VPS13B: variants seen among roughly 807,000 people sequenced by gnomAD.
VPS13B encodes the protein intermembrane lipid transfer protein VPS13B.
Under a neutral mutation model 426.4 loss-of-function variants are expected in VPS13B, and 285 were observed. That is an observed-to-expected ratio of 0.67 (90% CI 0.61 to 0.74). The LOEUF is 0.74. VPS13B is among the 30% of genes least tolerant of loss of function. The pLI is 0.00. For missense variants in VPS13B, 4,537 were observed against 4,782.6 expected, an observed-to-expected ratio of 0.95 and a Z score of 1.51; for synonymous variants, 1,676 against 1,676.4, an observed-to-expected ratio of 1.00 and a Z score of 0.01.
chr8:99,054,843 C>T (rs981644993), intron 3 of VPS13B, among the ~76,000 whole-genome samples: 1 of 152,010 alleles, frequency 6.6e-6, no homozygotes, highest in Non-Finnish European at 1.5e-5. Flanking sequence ...TTTCTTTGCC[C>T]ACTGAATGGT....
chr8:99,496,970 C>T lies in VPS13B; in HGVS notation c.3871-4717C>T, dbSNP rs537287264. ...TGTGTATATAAAATGTTTTTGGTAA[C>T]GTCTTCCTTAATCACAGCAGTAGTA... On this transcript the variant is annotated intron_variant, in intron 25 of 61. Coordinates refer to ENST00000357162, the MANE Select transcript of VPS13B (RefSeq NM_152564.5). Among the ~76,000 whole-genome samples, 29 of 150,252 alleles carry T rather than the reference C, an allele frequency of 1.9e-4. No homozygotes were observed. The East Asian group carries it at 2.7e-3, about 14-fold the overall frequency.
rs927806245 is a variant in VPS13B, at chr8:99,435,285, T to C, written c.3210+3621T>C. 4.6e-5 allele frequency among the ~76,000 whole-genome samples: 7 copies of C among 152,190 alleles called. No homozygotes were observed. In the South Asian group the frequency reaches 8.3e-4, roughly 18 times the overall value. ...TATAGATCTAAATGCTATTTCATGA[T>C]AATAGAAGTAGTTATATTAAAAATA... On this transcript the variant is annotated intron_variant, in intron 22 of 61. Transcript: ENST00000357162.
At chr8:99,860,839 G>A (rs1816797695) in intron 57 of VPS13B, among the ~76,000 whole-genome samples, 1 of 152,218 alleles carries the variant, frequency 6.6e-6, no homozygotes, top group African/African-American at 2.4e-5. Flanking sequence ...AAACCAGACA[G>A]ATTCACGGCT....
In VPS13B at chr8:99,832,585, C is replaced by G; in HGVS notation, c.9547C>G (p.Pro3183Ala). Reference protein sequence around the residue: ...QCWSLPAIVRPEFPRQSVAVP... With the variant: ...QCWSLPAIVRAEFPRQSVAVP... ...CTGGAGCCTGCCAGCTATAGTTAGA[C>G]CAGAGTTTCCCAGACAGAGTGTGGC... is the stretch of plus-strand genomic sequence containing the variant. Residue 3183 changes from proline to alanine, a missense_variant, in exon 52 of 62, where the codon CCA (proline) becomes GCA (alanine). By Grantham distance (27) the Pro-to-Ala change is conservative (BLOSUM62 -1). Around this residue, in one of 2 missense-constraint regions of VPS13B, gnomAD observed 4,311 missense variants for 4,474.3 expected, o/e 0.96. Transcript: ENST00000357162. 6.2e-7 allele frequency: 1 copy of G among 1,613,802 alleles called. No individual in the cohort carries two copies.
chr8:99,338,233 A>G (rs535789274), intron 19 of VPS13B, among the ~76,000 whole-genome samples: 1 of 152,208 alleles, frequency 6.6e-6, no homozygotes, highest in Admixed American at 6.5e-5. Flanking sequence ...TATTAAAAAC[A>G]CCTGTTAGAA....
chr8:99,587,791 A>G (rs1285423185), intron 33 of VPS13B, among the ~76,000 whole-genome samples: 1 of 151,700 alleles, frequency 6.6e-6, no homozygotes, highest in Non-Finnish European at 1.5e-5. Flanking sequence ...CTCTGATGGT[A>G]GTTTCTTTTG....
chr8:99,506,605 C>T (rs569886440), intron 27 of VPS13B, among the ~76,000 whole-genome samples: 2 of 152,264 alleles, frequency 1.3e-5, no homozygotes, highest in Admixed American at 6.5e-5. Context: ...CACCTGTGAT[C>T]CCAGCACTTT....
At chr8:99,854,319 G>A in intron 56 of VPS13B, 63 bp downstream of exon 56, 1 of 1,552,458 alleles carries the variant, frequency 6.4e-7, no homozygotes. Flanking sequence ...CACGCTTGGG[G>A]GTAGCACCTC....
At chr8:99,175,625 C>T (rs983923885) in intron 16 of VPS13B, among the ~76,000 whole-genome samples, 1 of 152,096 alleles carries the variant, frequency 6.6e-6, no homozygotes, top group Non-Finnish European at 1.5e-5. Flanking sequence ...GGCATGGTGG[C>T]ATGTGCCTAT....
chr8:99,675,712 C>A (rs1449786), intron 35 of VPS13B, among the ~76,000 whole-genome samples: 1 of 151,942 alleles, frequency 6.6e-6, no homozygotes, highest in African/African-American at 2.4e-5. Context: ...TCTGCTTGAT[C>A]AATTCTGCTG....
intron 17 of VPS13B, among the ~76,000 whole-genome samples, chr8:99,266,358 G>T (rs1201432227): frequency 6.6e-6 from 1 of 151,970 alleles, no homozygotes; most frequent in Non-Finnish European, 1.5e-5. Context: ...ATTACAGTGA[G>T]CTATGATTGC....
At chr8:99,680,307 T>A (rs942714010) in intron 35 of VPS13B, among the ~76,000 whole-genome samples, 2 of 152,224 alleles carry the variant, frequency 1.3e-5, no homozygotes, top group Non-Finnish European at 2.9e-5. Context: ...TTCCAGTTGA[T>A]GTTTGGTCCC....
At chr8:99,294,957 A>C (rs375603971) in intron 19 of VPS13B, among the ~76,000 whole-genome samples, 4 of 152,184 alleles carry the variant, frequency 2.6e-5, no homozygotes, top group Non-Finnish European at 4.4e-5. Context: ...TGATGATCCT[A>C]TGTTTGACTA....
At chr8:99,021,996 C>T (rs1039955307) in intron 2 of VPS13B, among the ~76,000 whole-genome samples, 22 of 152,024 alleles carry the variant, frequency 1.4e-4, no homozygotes, top group Admixed American at 7.2e-4. Context: ...GTCTGATGCT[C>T]GTAATTTGTA....
intron 4 of VPS13B, among the ~76,000 whole-genome samples, chr8:99,101,288 CG>C (rs780899336): frequency 6.6e-6 from 1 of 152,028 alleles, no homozygotes; most frequent in Non-Finnish European, 1.5e-5. Context: ...CCTGCCACCA[CG>C]CCCGGCTAAT....
rs554080544 is a variant in VPS13B at position 99,408,764 on chromosome 8, A to G, written c.3082+17060A>G. Among the ~76,000 whole-genome samples, 15 of 152,306 alleles carry G rather than the reference A, an allele frequency of 9.8e-5. 1 individual carries two copies. In the South Asian group the frequency reaches 3.1e-3, roughly 32 times the overall value. On this transcript the variant is annotated intron_variant, in intron 21 of 61. Transcript: ENST00000357162. ...AAGAAAGTGTTTGTAGAGAAGAGAA[A>G]TGGCCCAAGTACTGAACCCTTGGAC...
At chr8:99,512,699 G>A (rs1330583745) in intron 29 of VPS13B, among the ~76,000 whole-genome samples, 1 of 152,068 alleles carries the variant, frequency 6.6e-6, no homozygotes, top group Non-Finnish European at 1.5e-5. Context: ...AGAATTTGGG[G>A]TAGGTCATTA....
intron 34 of VPS13B, among the ~76,000 whole-genome samples, chr8:99,661,016 A>G (rs1303950442): frequency 6.6e-6 from 1 of 152,066 alleles, no homozygotes; most frequent in Non-Finnish European, 1.5e-5. Flanking sequence ...TTTGTTTTTA[A>G]TATCACATTT....
intron 35 of VPS13B, among the ~76,000 whole-genome samples, chr8:99,681,627 C>T (rs908560519): frequency 6.6e-6 from 1 of 152,210 alleles, no homozygotes; most frequent in Admixed American, 6.5e-5. Flanking sequence ...AGGATAGTGC[C>T]ACCACACTCC....
Sources: allele counts gnomAD v4.1 joint callset (sites outside exome capture counted in the v4.1 genomes callset), GRCh38; gene constraint gnomAD v4.1.1; regional missense constraint gnomAD v4.1.1; transcripts MANE v1.5; gene names NCBI Gene and HGNC (gene_info 2026-07-23, HGNC 2026-07-21).